Variants in MYRIP observed in about 807,000 individuals in gnomAD.
The protein encoded by MYRIP is myosin VIIA and Rab interacting protein.
In MYRIP, 49 loss-of-function variants were observed where a neutral mutation model predicts 98.0. The observed-to-expected ratio is 0.50, with a 90% CI of 0.40 to 0.63. The LOEUF (loss-of-function observed/expected upper bound fraction) is 0.63, where lower values mean the gene tolerates loss of function less well. Ranked by LOEUF, MYRIP falls within the 30% of genes least tolerant of loss-of-function variation. The probability of loss-of-function intolerance (pLI) is 0.00; values close to 1 mark genes in which losing one functional copy is unlikely to be tolerated. For missense variants in MYRIP, 1,004 were observed against 1,058.2 expected, an observed-to-expected ratio of 0.95 and a Z score of 0.71; for synonymous variants, 404 against 409.5, an observed-to-expected ratio of 0.99 and a Z score of 0.16.
rs1376866506 is a variant in MYRIP, at chr3:39,840,803, G to T, written c.-31+30887G>T. On this transcript the variant is annotated intron_variant, in intron 1 of 16. Transcript: ENST00000302541. ...TGAATATTGGCCCCACTCTCTTGTG[G>T]CTTGTAGGGTTTCTGCAGAGAGATC... Among the ~76,000 whole-genome samples the T allele has an allele frequency of 3.9e-5, 6 of 152,190 alleles. No homozygotes were observed. The East Asian group carries it at 1.2e-3, about 29-fold the overall frequency.
At chr3:39,989,550 T>C (rs1253198279) in intron 2 of MYRIP, among the ~76,000 whole-genome samples, 1 of 152,208 alleles carries the variant, frequency 6.6e-6, no homozygotes, top group Non-Finnish European at 1.5e-5. Context: ...CCTTGGTGGA[T>C]TGGGCGTGCT....
intron 1 of MYRIP, among the ~76,000 whole-genome samples, chr3:39,816,633 G>A (rs1432634169): frequency 6.6e-6 from 1 of 152,160 alleles, no homozygotes; most frequent in African/African-American, 2.4e-5. Flanking sequence ...TCCTGAGGAG[G>A]AGGCTTCACT....
chr3:40,168,826 C>T (rs1395774836), intron 7 of MYRIP, among the ~76,000 whole-genome samples: 1 of 152,212 alleles, frequency 6.6e-6, no homozygotes, highest in African/African-American at 2.4e-5. Context: ...AAGCCAAGGG[C>T]TGGGACGTAG....
rs1945984656 is a variant in MYRIP at position 39,984,577 on chromosome 3, T to A, written c.111-59473T>A. ...AAACGCATCATTTTTTATGGCTGCA[T>A]AGTATTCCATGGTGTATATGTCCCA... On this transcript the variant is annotated intron_variant, in intron 2 of 16. Transcript: ENST00000302541. 2.0e-5 allele frequency among the ~76,000 whole-genome samples: 3 copies of A among 152,352 alleles called. No homozygotes were observed. In the South Asian group the frequency reaches 6.2e-4, roughly 32 times the overall value.
intron 2 of MYRIP, among the ~76,000 whole-genome samples, chr3:40,011,019 C>CA (rs1946750411): frequency 6.6e-6 from 1 of 152,124 alleles, no homozygotes; most frequent in Non-Finnish European, 1.5e-5. Flanking sequence ...GTGGCTCCCC[C>CA]ATGTCATTGA....
chr3:40,132,817 T>C lies in MYRIP; in HGVS notation c.333-18231T>C, dbSNP rs148373922. Among the ~76,000 whole-genome samples, 623 of 152,366 alleles carry C rather than the reference T, an allele frequency of 4.1e-3. 11 individuals carry two copies. Among genetic ancestry groups the C allele is most frequent in the Admixed American group, 0.023 (352 of 15,306 alleles). On this transcript the variant is annotated intron_variant, in intron 3 of 16. Coordinates refer to ENST00000302541, the MANE Select transcript of MYRIP (RefSeq NM_015460.4). Reference sequence around the variant, plus strand: ...ACAAGAAGATGGGCATGGCATCCAGTGGCTGATCCCACCAAAGGCACACAG... The same window carrying C: ...ACAAGAAGATGGGCATGGCATCCAGCGGCTGATCCCACCAAAGGCACACAG...
At chr3:39,818,389 T>C (rs1210866142) in intron 1 of MYRIP, among the ~76,000 whole-genome samples, 2 of 152,206 alleles carry the variant, frequency 1.3e-5, no homozygotes, top group African/African-American at 4.8e-5. Flanking sequence ...TTATTTCACC[T>C]TTCTCAACTG....
At chr3:39,906,518 C>A (rs1943882685) in intron 2 of MYRIP, among the ~76,000 whole-genome samples, 1 of 152,204 alleles carries the variant, frequency 6.6e-6, no homozygotes, top group Non-Finnish European at 1.5e-5. Context: ...AGCATAACAA[C>A]ACAGTATCTT....
At chr3:39,968,683 T>C (rs1945503012) in intron 2 of MYRIP, among the ~76,000 whole-genome samples, 1 of 152,190 alleles carries the variant, frequency 6.6e-6, no homozygotes, top group African/African-American at 2.4e-5. Flanking sequence ...TTGTTCTATA[T>C]ACCTGTTTTT....
chr3:39,809,472 C>G (rs1333313550), upstream of MYRIP: 1 of 147,242 alleles, frequency 6.8e-6, no homozygotes, highest in Non-Finnish European at 1.5e-5. Flanking sequence ...CCTGCCCCGG[C>G]GCAGGCGCGA....
intron 15 of MYRIP, among the ~76,000 whole-genome samples, chr3:40,251,679 G>T (rs1201549371): frequency 6.6e-6 from 1 of 152,152 alleles, no homozygotes; most frequent in Non-Finnish European, 1.5e-5. Flanking sequence ...TCCACAGAAA[G>T]CTATCAATGA....
rs182803299 is a variant in MYRIP at position 39,927,658 on chromosome 3, C to G, written c.110+26732C>G. ...CCATACTGAAACTATTCCAAAAAACCAAGGAGAAGGAACTTCTCCCTAACT... is the reference window on the plus strand; with the variant it reads ...CCATACTGAAACTATTCCAAAAAACGAAGGAGAAGGAACTTCTCCCTAACT... On this transcript the variant is annotated intron_variant, in intron 2 of 16. Transcript: ENST00000302541. Among the ~76,000 whole-genome samples the G allele has an allele frequency of 1.2e-3, 175 of 151,928 alleles. 1 individual carries two copies. The highest frequency in any genetic ancestry group is 3.9e-3 in the African/African-American group (163 of 41,472).
chr3:40,254,015 G>GAAAAAAGTCAGCAGCTACTCCTA (rs1351554987), intron 16 of MYRIP, among the ~76,000 whole-genome samples: 7 of 152,104 alleles, frequency 4.6e-5, no homozygotes, highest in African/African-American at 1.7e-4. Flanking sequence ...CTGTGTTCCT[G>GAAAAAAGTCAGCAGCTACTCCTA]AAAAAAGTCA....
chr3:39,823,081 G>A lies in MYRIP; in HGVS notation c.-31+13165G>A, dbSNP rs141785200. ...ATCACCCAGGCTGGAGTGCAGTGGC[G>A]CAATCTTGGCTCACTGCAACCTCCG... On this transcript the variant is annotated intron_variant, in intron 1 of 16. Coordinates refer to ENST00000302541, the MANE Select transcript of MYRIP (RefSeq NM_015460.4). 0.016 allele frequency among the ~76,000 whole-genome samples: 2,373 copies of A among 147,406 alleles called. 143 individuals are homozygous for A. In the East Asian group the frequency reaches 0.23, roughly 14 times the overall value.
chr3:40,056,586 C>G (rs1947890218), intron 3 of MYRIP, among the ~76,000 whole-genome samples: 1 of 152,190 alleles, frequency 6.6e-6, no homozygotes, highest in Non-Finnish European at 1.5e-5. Context: ...GTGCTAGGCA[C>G]TGCTCTAAGA....
At chr3:39,957,241 A>G (rs1406662698) in intron 2 of MYRIP, among the ~76,000 whole-genome samples, 2 of 151,786 alleles carry the variant, frequency 1.3e-5, no homozygotes, top group Non-Finnish European at 2.9e-5. Context: ...AGAATTTTAG[A>G]CCAATATCCC....
intron 3 of MYRIP, among the ~76,000 whole-genome samples, chr3:40,150,121 C>T (rs1451472856): frequency 1.3e-5 from 2 of 151,832 alleles, no homozygotes; most frequent in African/African-American, 2.4e-5. Context: ...CTCACTCTGT[C>T]GCCCAGGCTG....
intron 11 of MYRIP, among the ~76,000 whole-genome samples, chr3:40,227,387 A>ACT (rs139915991): frequency 0.016 from 2,300 of 143,126 alleles, 23 homozygotes; most frequent in Middle Eastern, 0.033. Flanking sequence ...ATGGAAATGT[A>ACT]CTCTCTCTCT....
chr3:40,244,347 AGTT>A (rs1953116119), intron 12 of MYRIP, 96 bp from the exon 13 acceptor site: 1 of 1,055,558 alleles, frequency 9.5e-7, no homozygotes, highest in Admixed American at 2.8e-5. Context: ...TGTGAAGTCC[AGTT>A]ATCTCACTCC....
Sources: gnomAD v4.1 joint callset for allele counts (sites outside exome capture counted in the v4.1 genomes callset) on GRCh38, gnomAD v4.1.1 for gene constraint, MANE v1.5 for transcripts, NCBI Gene and HGNC (gene_info 2026-07-23, HGNC 2026-07-21) for gene names.